The following ULK4 variants were observed in gnomAD, a reference collection of about 807,000 sequenced individuals.
ULK4 encodes inactive serine/threonine-protein kinase ULK4.
ULK4 carries 133 observed loss-of-function variants against 160.6 expected under a neutral mutation model. The observed-to-expected ratio is 0.83, with a 90% CI of 0.72 to 0.96. The LOEUF is 0.96. ULK4 is among the 40% of genes least tolerant of loss of function. ULK4 has a pLI of 0.00. For synonymous variants in ULK4, 534 were observed against 539.8 expected, an observed-to-expected ratio of 0.99 and a Z score of 0.15; for missense variants, 1,580 against 1,499.5, an observed-to-expected ratio of 1.05 and a Z score of -0.89.
chr3:41,507,363 T>C (rs1454689948), intron 32 of ULK4, among the ~76,000 whole-genome samples: 3 of 151,846 alleles, frequency 2.0e-5, no homozygotes, highest in African/African-American at 7.2e-5. Flanking sequence ...TAGCAAGAAA[T>C]ACTAGGAAGC....
intron 34 of ULK4, 129 bp from the exon 35 acceptor site, chr3:41,398,393 T>G (rs1191040506): frequency 3.3e-6 from 3 of 905,584 alleles, no homozygotes; most frequent in East Asian, 2.7e-5. Flanking sequence ...TTTTACTTTT[T>G]TTTTTTTTGA....
intron 19 of ULK4, among the ~76,000 whole-genome samples, chr3:41,815,842 T>C (rs1004767529): frequency 1.3e-5 from 2 of 152,034 alleles, no homozygotes; most frequent in Non-Finnish European, 2.9e-5. Flanking sequence ...AAACTCTAAA[T>C]GGGAAAAGAA....
At chr3:41,421,157 T>TATGTATTATATA (rs2082656672) in intron 34 of ULK4, among the ~76,000 whole-genome samples, 2 of 152,062 alleles carry the variant, frequency 1.3e-5, no homozygotes, top group Non-Finnish European at 2.9e-5. Context: ...GCTATTAATT[T>TATGTATTATATA]CTGTGTATTA....
rs138637275 is a variant in ULK4, at chr3:41,753,631, C to A, written c.2321+730G>T. 2.6e-5 allele frequency among the ~76,000 whole-genome samples: 4 copies of A among 152,330 alleles called. No homozygotes were observed. The East Asian group carries it at 7.7e-4, about 29-fold the overall frequency. On this transcript the variant is annotated intron_variant, in intron 22 of 36. Coordinates refer to ENST00000301831, the MANE Select transcript of ULK4 (RefSeq NM_017886.4). ...CCATAAACTCTCACCCCCTGCCCTG[C>A]TCCTCCTTCTGAGCCTTCAGCTACT...
At chr3:41,690,240 A>G (rs1282503436) in intron 27 of ULK4, among the ~76,000 whole-genome samples, 2 of 150,944 alleles carry the variant, frequency 1.3e-5, no homozygotes, top group South Asian at 2.1e-4. Context: ...GAACTGAACA[A>G]TGAGAACACA....
At chr3:41,653,543 C>A (rs2034825392) in intron 30 of ULK4, among the ~76,000 whole-genome samples, 1 of 152,164 alleles carries the variant, frequency 6.6e-6, no homozygotes, top group African/African-American at 2.4e-5. Context: ...CAGATGATCT[C>A]CAAAGTTCCA....
chr3:41,344,220 T>A (rs532402318), intron 35 of ULK4, among the ~76,000 whole-genome samples: 1 of 152,152 alleles, frequency 6.6e-6, no homozygotes, highest in South Asian at 2.1e-4. Flanking sequence ...AAACAAGCAG[T>A]GGGGAAAGGA....
intron 35 of ULK4, among the ~76,000 whole-genome samples, chr3:41,298,254 C>A (rs2079711222): frequency 6.6e-6 from 1 of 152,144 alleles, no homozygotes; most frequent in Non-Finnish European, 1.5e-5. Flanking sequence ...GATGGATGAA[C>A]TATTTCAGTT....
At chr3:41,633,726 G>A (rs1325258552) in intron 30 of ULK4, among the ~76,000 whole-genome samples, 1 of 152,056 alleles carries the variant, frequency 6.6e-6, no homozygotes, top group Non-Finnish European at 1.5e-5. Context: ...GCAATGATGA[G>A]GGGTATTAAT....
rs571204847 is a variant in ULK4, at chr3:41,490,025, T to C, written c.3227-26772A>G. Among the ~76,000 whole-genome samples the C allele has an allele frequency of 4.6e-5, 7 of 152,296 alleles. No homozygotes were observed. The South Asian group carries it at 1.2e-3, about 27-fold the overall frequency. On this transcript the variant is annotated intron_variant, in intron 32 of 36. Coordinates refer to ENST00000301831, the MANE Select transcript of ULK4 (RefSeq NM_017886.4). ...CTATGATTTGAAACCTTGGTGGCAA[T>C]GCTATCTTCACCCACTCAACCCACA...
intron 31 of ULK4, among the ~76,000 whole-genome samples, chr3:41,576,279 G>C (rs970957193): frequency 8.5e-5 from 13 of 152,176 alleles, no homozygotes; most frequent in Admixed American, 1.3e-4. Context: ...GGTGTCTGTG[G>C]GGAAGGTTGC....
At chr3:41,796,797 A>G (rs2040312620) in intron 20 of ULK4, among the ~76,000 whole-genome samples, 1 of 152,198 alleles carries the variant, frequency 6.6e-6, no homozygotes, top group South Asian at 2.1e-4. Flanking sequence ...GAACACAAAG[A>G]GCACCCAGAT....
intron 35 of ULK4, among the ~76,000 whole-genome samples, chr3:41,275,663 T>C (rs558023763): frequency 6.6e-6 from 1 of 152,348 alleles, no homozygotes; most frequent in East Asian, 1.9e-4. Flanking sequence ...GCAAACTTTT[T>C]CAGCTACCAG....
intron 35 of ULK4, among the ~76,000 whole-genome samples, chr3:41,287,315 C>T (rs1007858892): frequency 2.6e-5 from 4 of 152,046 alleles, no homozygotes; most frequent in African/African-American, 9.7e-5. Flanking sequence ...TTCTGTTTAA[C>T]TTAGTGGAAG....
intron 13 of ULK4, among the ~76,000 whole-genome samples, chr3:41,898,809 C>G (rs1698254515): frequency 1.3e-5 from 2 of 152,196 alleles, no homozygotes; most frequent in Admixed American, 6.5e-5. Context: ...CTATTGGGTA[C>G]CTGCCAAGGT....
At chr3:41,402,582 TG>T (rs1251040560) in intron 34 of ULK4, among the ~76,000 whole-genome samples, 1 of 152,238 alleles carries the variant, frequency 6.6e-6, no homozygotes, top group Non-Finnish European at 1.5e-5. Flanking sequence ...CTGGTGGTTC[TG>T]TCAATTACTT....
chr3:41,445,784 T>A (rs1315664242), intron 34 of ULK4, among the ~76,000 whole-genome samples: 1 of 152,020 alleles, frequency 6.6e-6, no homozygotes, highest in African/African-American at 2.4e-5. Flanking sequence ...GAAGAAAACC[T>A]AGGCAATACC....
intron 4 of ULK4, among the ~76,000 whole-genome samples, chr3:41,934,840 T>C (rs1699708266): frequency 6.6e-6 from 1 of 152,092 alleles, no homozygotes; most frequent in African/African-American, 2.4e-5. Flanking sequence ...TTCATAAATG[T>C]GTACAATGAC....
chr3:41,357,758 C>T (rs909620475), intron 35 of ULK4, among the ~76,000 whole-genome samples: 8 of 152,306 alleles, frequency 5.3e-5, no homozygotes, highest in Admixed American at 2.6e-4. Flanking sequence ...TACGCTGTAC[C>T]TCCAAAAGGA....
Sources: allele counts gnomAD v4.1 joint callset (sites outside exome capture counted in the v4.1 genomes callset), GRCh38; gene constraint gnomAD v4.1.1; transcripts MANE v1.5; gene names NCBI Gene and HGNC (gene_info 2026-07-23, HGNC 2026-07-21).